MAML2: variants seen among roughly 807,000 people sequenced by gnomAD.
MAML2 encodes mastermind like transcriptional coactivator 2, also known as mastermind-like protein 2.
In MAML2, 22 loss-of-function variants were observed where a neutral mutation model predicts 96.1. The observed-to-expected ratio is 0.23, with a 90% CI of 0.16 to 0.33. The LOEUF (loss-of-function observed/expected upper bound fraction) is 0.33, where lower values mean the gene tolerates loss of function less well. MAML2 is among the 10% of genes least tolerant of loss of function. MAML2 has a pLI of 1.00. For synonymous variants in MAML2, 561 were observed against 521.3 expected (o/e 1.08, Z -1.04); for missense variants, 1,367 against 1,392.4 (o/e 0.98, Z 0.29).
At chr11:96,000,670 A>AT (rs1218082649) in intron 2 of MAML2, among the ~76,000 whole-genome samples, 1 of 152,212 alleles carries the variant, frequency 6.6e-6, no homozygotes, top group East Asian at 1.9e-4. Context: ...TTCAGTAACA[A>AT]TTACACACAG....
At chr11:96,113,183 A>AC in intron 1 of MAML2, among the ~76,000 whole-genome samples, 1 of 86,890 alleles carries the variant, frequency 1.2e-5, no homozygotes, top group Admixed American at 1.4e-4. Context: ...AAAAAAAAAA[A>AC]AAAAAAACTT....
In MAML2 at chr11:96,220,055, T is replaced by C. The variant is rs545373309; in HGVS notation, c.513+121328A>G. Among the ~76,000 whole-genome samples, 13 of 152,340 alleles carry C rather than the reference T, an allele frequency of 8.5e-5. No individual in the cohort carries two copies. In the South Asian group the frequency reaches 2.3e-3, roughly 27 times the overall value. On this transcript the variant is annotated intron_variant, in intron 1 of 4. Coordinates refer to ENST00000524717, the MANE Select transcript of MAML2 (RefSeq NM_032427.4). ...CTAAATGGTGGCATGTTGTTATCAT[T>C]GCCATGATCTTTATATTAATATTAC...
intron 1 of MAML2, among the ~76,000 whole-genome samples, chr11:96,241,414 G>T (rs138841683): frequency 6.6e-6 from 1 of 152,186 alleles, no homozygotes; most frequent in Non-Finnish European, 1.5e-5. Context: ...CTTGACAGGG[G>T]GTGATTTGGC....
intron 1 of MAML2, among the ~76,000 whole-genome samples, chr11:96,328,398 G>GT (rs1863813045): frequency 6.6e-6 from 1 of 151,956 alleles, no homozygotes; most frequent in Non-Finnish European, 1.5e-5. Flanking sequence ...AGCTGAGTGT[G>GT]TCTACTCTCA....
chr11:96,297,178 G>A (rs1430061909), intron 1 of MAML2, among the ~76,000 whole-genome samples: 2 of 152,136 alleles, frequency 1.3e-5, no homozygotes, highest in East Asian at 3.8e-4. Context: ...AAATTCCGGA[G>A]TGAGGTTTCA....
chr11:96,147,327 T>A (rs1366338317), intron 1 of MAML2, among the ~76,000 whole-genome samples: 1 of 152,230 alleles, frequency 6.6e-6, no homozygotes, highest in Non-Finnish European at 1.5e-5. Context: ...GACTGTAATA[T>A]GGATACATAA....
chr11:96,287,857 C>G (rs1044483110), intron 1 of MAML2, among the ~76,000 whole-genome samples: 1 of 152,164 alleles, frequency 6.6e-6, no homozygotes, highest in Non-Finnish European at 1.5e-5. Context: ...GAAATCCCAA[C>G]CCTTCATTTT....
rs1316373445 is a variant in MAML2 at position 96,228,476 on chromosome 11, C to T, written c.513+112907G>A. ...TTCCAAACACTTTCCCCAAGTCAAC[C>T]ATGTACATACACCTTGACTTTCCTC... On this transcript the variant is annotated intron_variant, in intron 1 of 4. Transcript: ENST00000524717. Among the ~76,000 whole-genome samples the T allele has an allele frequency of 7.9e-5, 12 of 152,280 alleles. No homozygotes were observed. The East Asian group carries it at 2.1e-3, about 27-fold the overall frequency.
rs1232625612 is a variant in MAML2 at position 96,341,892 on chromosome 11, C to T, written c.4G>A (p.Gly2Arg). 3 of 1,520,840 alleles carry T rather than the reference C, an allele frequency of 2.0e-6. No homozygotes were observed. Among genetic ancestry groups the T allele is most frequent in the Admixed American group, 4.1e-5 (2 of 48,276 alleles). 94.2% of individuals were successfully genotyped at this position (1,520,840 alleles called of 1,614,324 possible). Residue 2 changes from glycine (G) to arginine (R), a missense_variant, in exon 1 of 5, where the codon GGG becomes AGG. Gly to Arg is a moderately radical substitution (Grantham distance 125). Coordinates refer to ENST00000524717, the MANE Select transcript of MAML2 (RefSeq NM_032427.4). ...GGGGCCTGCGGGGGCGCTGTGTCCC[C>T]CATCTTACCGGACACAATGATTGCT... M[G>R]DTAPPQAPAG... is the part of the protein sequence containing the mutation.
chr11:96,315,987 C>T (rs1863626968), intron 1 of MAML2, among the ~76,000 whole-genome samples: 1 of 152,196 alleles, frequency 6.6e-6, no homozygotes, highest in African/African-American at 2.4e-5. Context: ...CATAGCCTTG[C>T]CATCATTCAG....
intron 2 of MAML2, among the ~76,000 whole-genome samples, chr11:96,041,850 C>T (rs1858816015): frequency 6.6e-6 from 1 of 152,014 alleles, no homozygotes; most frequent in Non-Finnish European, 1.5e-5. Flanking sequence ...CACTTTGTTG[C>T]CCAGGCTGGA....
chr11:95,978,900 T>G lies in MAML2; in HGVS notation c.*48A>C. 6.6e-7 allele frequency: 1 copy of G among 1,509,004 alleles called. No homozygotes were observed. Among genetic ancestry groups the G allele is most frequent in the Non-Finnish European group, 8.9e-7 (1 of 1,121,932 alleles). 93.5% of individuals were successfully genotyped at this position (1,509,004 alleles called of 1,614,324 possible). On this transcript the variant is annotated 3_prime_UTR_variant, in exon 5 of 5. Coordinates refer to ENST00000524717, the MANE Select transcript of MAML2 (RefSeq NM_032427.4). Reference sequence around the variant, plus strand: ...CAGCCTCTACAGAGTTTCTGTAATATACTGCCTTTTAGTGCTTGGAGTTTG... The same window carrying G: ...CAGCCTCTACAGAGTTTCTGTAATAGACTGCCTTTTAGTGCTTGGAGTTTG...
At chr11:96,098,184 T>G (rs73523564) in intron 1 of MAML2, among the ~76,000 whole-genome samples, 2,851 of 152,166 alleles carry the variant, frequency 0.019, 94 homozygotes, top group African/African-American at 0.064. Flanking sequence ...GGGAGGTTGA[T>G]GGTGAAAGTT....
chr11:96,098,075 T>G (rs77744022), intron 1 of MAML2, among the ~76,000 whole-genome samples: 3,708 of 152,028 alleles, frequency 0.024, 155 homozygotes, highest in African/African-American at 0.084. Flanking sequence ...AAGACAAAAG[T>G]CCAATAGAAT....
chr11:96,017,846 G>T (rs1435256488), intron 2 of MAML2, among the ~76,000 whole-genome samples: 1 of 152,172 alleles, frequency 6.6e-6, no homozygotes, highest in African/African-American at 2.4e-5. Context: ...GAGAAGCAGG[G>T]GAGACATGGT....
chr11:96,102,386 G>A (rs1033811391), intron 1 of MAML2, among the ~76,000 whole-genome samples: 1 of 152,194 alleles, frequency 6.6e-6, no homozygotes, highest in African/African-American at 2.4e-5. Context: ...GAAACATAGT[G>A]AAAAATAGTA....
At chr11:96,257,167 A>G (rs1417845603) in intron 1 of MAML2, among the ~76,000 whole-genome samples, 1 of 152,228 alleles carries the variant, frequency 6.6e-6, no homozygotes, top group East Asian at 1.9e-4. Flanking sequence ...CAAATGTTGC[A>G]ATTTATTTAA....
At chr11:96,089,466 G>A (rs1214042032) in intron 2 of MAML2, among the ~76,000 whole-genome samples, 1 of 152,146 alleles carries the variant, frequency 6.6e-6, no homozygotes, top group African/African-American at 2.4e-5. Context: ...TACCTGACTT[G>A]ACTGTTTGCA....
At chr11:96,088,119 T>C (rs764838130) in intron 2 of MAML2, among the ~76,000 whole-genome samples, 1 of 152,138 alleles carries the variant, frequency 6.6e-6, no homozygotes, top group Non-Finnish European at 1.5e-5. Context: ...CAAGGGTTGA[T>C]ATGGTGTAGA....
Sources: allele counts gnomAD v4.1 joint callset (sites outside exome capture counted in the v4.1 genomes callset), GRCh38; gene constraint gnomAD v4.1.1; transcripts MANE v1.5; gene names NCBI Gene and HGNC (gene_info 2026-07-23, HGNC 2026-07-21).